The following TEAD1 variants were observed in gnomAD, a reference collection of about 807,000 sequenced individuals.
The protein encoded by TEAD1 is TEA domain transcription factor 1.
Under a neutral mutation model 54.9 loss-of-function variants are expected in TEAD1, and 9 were observed. The observed-to-expected ratio is 0.16, with a 90% CI of 0.10 to 0.29. TEAD1 has a LOEUF of 0.29. TEAD1 is among the 10% of genes least tolerant of loss of function. The pLI is 1.00. For missense variants in TEAD1, 387 were observed against 535.9 expected, an observed-to-expected ratio of 0.72 and a Z score of 2.74; for synonymous variants, 200 against 187.8, an observed-to-expected ratio of 1.07 and a Z score of -0.53.
intron 2 of TEAD1, among the ~76,000 whole-genome samples, chr11:12,744,255 A>G (rs146117208): frequency 3.3e-5 from 5 of 152,302 alleles, no homozygotes; most frequent in African/African-American, 9.6e-5. Flanking sequence ...TCCCCAGTCT[A>G]TCGGTGGCCT....
intron 3 of TEAD1, among the ~76,000 whole-genome samples, chr11:12,839,132 C>T (rs886332205): frequency 4.0e-5 from 6 of 151,856 alleles, no homozygotes; most frequent in East Asian, 3.9e-4. Flanking sequence ...AACTGGGAGC[C>T]GGGCATGGTG....
chr11:12,685,733 C>T (rs1040540831), intron 2 of TEAD1, among the ~76,000 whole-genome samples: 3 of 152,086 alleles, frequency 2.0e-5, no homozygotes, highest in African/African-American at 7.2e-5. Context: ...CATGGTAACC[C>T]ATCCTTATGG....
chr11:12,840,287 A>G (rs1440348483), intron 3 of TEAD1, among the ~76,000 whole-genome samples: 1 of 147,880 alleles, frequency 6.8e-6, no homozygotes, highest in Non-Finnish European at 1.5e-5. Flanking sequence ...CAGAAACGAA[A>G]TCGGGCCAAG....
chr11:12,680,110 A>G (rs578012899), intron 2 of TEAD1, among the ~76,000 whole-genome samples: 2 of 152,342 alleles, frequency 1.3e-5, no homozygotes, highest in African/African-American at 2.4e-5. Context: ...TATACCAACC[A>G]AGCCTTTAGA....
chr11:12,810,716 GTGGCTGA>G (rs1289559904), intron 3 of TEAD1, among the ~76,000 whole-genome samples: 1 of 152,232 alleles, frequency 6.6e-6, no homozygotes, highest in Non-Finnish European at 1.5e-5. Context: ...GACGAGCACA[GTGGCTGA>G]TGTCATTGTG....
intron 3 of TEAD1, among the ~76,000 whole-genome samples, chr11:12,845,842 G>A (rs1947134815): frequency 6.6e-6 from 1 of 152,236 alleles, no homozygotes; most frequent in Non-Finnish European, 1.5e-5. Context: ...CTCTCTGGGT[G>A]TCCCAGGGGG....
intron 3 of TEAD1, among the ~76,000 whole-genome samples, chr11:12,811,555 G>A (rs537981299): frequency 5.3e-5 from 8 of 152,244 alleles, no homozygotes; most frequent in Middle Eastern, 3.4e-3. Context: ...GTGAGGGTTC[G>A]GCATTAGCAT....
At chr11:12,912,171 C>T (rs2134143484) in intron 10 of TEAD1, among the ~76,000 whole-genome samples, 2 of 152,238 alleles carry the variant, frequency 1.3e-5, no homozygotes, top group Middle Eastern at 6.8e-3. Flanking sequence ...GCTAGAAAGT[C>T]ATTCAACAAA....
Position 12,924,942 on chromosome 11 carries a change from G to A in TEAD1, c.904G>A (p.Ala302Thr). The change falls in exon 11 of 13, where the codon GCT becomes ACT. Residue 302 changes from alanine to threonine, a missense_variant. Physicochemically the swap from Ala to Thr is moderately conservative, Grantham distance 58. Around this residue, in one of 5 missense-constraint regions of TEAD1, gnomAD observed 123 missense variants for 199.0 expected, o/e 0.62. Transcript: ENST00000527636. ...TTTAAACTGCAATATTCAAGATGAT[G>A]CTGGGGCTTTTTATGGTGTAACCAG... The A allele has an allele frequency of 6.2e-7, 1 of 1,614,158 alleles. No homozygotes were observed. Among genetic ancestry groups the A allele is most frequent in the Non-Finnish European group, 8.5e-7 (1 of 1,180,038 alleles).
At chr11:12,812,659 C>CT (rs1249559852) in intron 3 of TEAD1, among the ~76,000 whole-genome samples, 2 of 152,174 alleles carry the variant, frequency 1.3e-5, no homozygotes, top group Non-Finnish European at 2.9e-5. Context: ...CAAGAGAAGG[C>CT]TTAATACAGG....
rs376158122 is a variant in TEAD1, at chr11:12,943,497, C to T, written c.*6275C>T. 1.3e-5 allele frequency: 2 copies of T among 152,592 alleles called. No homozygotes were observed. The highest frequency in any genetic ancestry group is 4.8e-5 in the African/African-American group (2 of 41,468). 9.5% of individuals were successfully genotyped at this position (152,592 alleles called of 1,614,324 possible). On this transcript the variant is annotated 3_prime_UTR_variant, in exon 13 of 13. Transcript: ENST00000527636. ...TGAAATATTTGTATTTATTGTCCTA[C>T]TTCCTAAGCCGTAACTTCTTTTCCT...
At chr11:12,730,163 C>T (rs375202499) in intron 2 of TEAD1, among the ~76,000 whole-genome samples, 8 of 152,176 alleles carry the variant, frequency 5.3e-5, no homozygotes, top group African/African-American at 1.7e-4. Context: ...ACGGCCATGA[C>T]GTACCAGTCG....
chr11:12,892,924 C>T (rs781555552), intron 9 of TEAD1, among the ~76,000 whole-genome samples: 7 of 152,164 alleles, frequency 4.6e-5, no homozygotes, highest in Non-Finnish European at 8.8e-5. Context: ...AGCCAGGTCA[C>T]CAGCATCTGT....
At chr11:12,911,551 TAACTG>T (rs1948617888) in intron 10 of TEAD1, among the ~76,000 whole-genome samples, 1 of 152,184 alleles carries the variant, frequency 6.6e-6, no homozygotes, top group African/African-American at 2.4e-5. Flanking sequence ...GTTTTAAAGT[TAACTG>T]AACAATATTA....
intron 2 of TEAD1, among the ~76,000 whole-genome samples, chr11:12,727,432 C>G (rs1449721159): frequency 6.6e-6 from 1 of 152,172 alleles, no homozygotes; most frequent in Non-Finnish European, 1.5e-5. Context: ...CGCTTCGCAT[C>G]TCTGAACCTT....
intron 8 of TEAD1, among the ~76,000 whole-genome samples, chr11:12,882,207 C>T (rs10831915): frequency 0.24 from 36,745 of 152,068 alleles, 5,674 homozygotes; most frequent in East Asian, 0.7. Flanking sequence ...TCACTGAAGA[C>T]GCTGGATTAT....
chr11:12,739,389 C>T (rs898252970), intron 2 of TEAD1, among the ~76,000 whole-genome samples: 2 of 152,182 alleles, frequency 1.3e-5, no homozygotes, highest in Non-Finnish European at 2.9e-5. Flanking sequence ...CATCCATGCA[C>T]AGAACTCTTT....
chr11:12,748,789 A>G (rs1044308143), intron 2 of TEAD1, among the ~76,000 whole-genome samples: 1 of 151,542 alleles, frequency 6.6e-6, no homozygotes, highest in African/African-American at 2.4e-5. Context: ...GGGCTGAGGC[A>G]GAAATGGTGC....
At chr11:12,935,082 G>T (rs1949075524) in intron 12 of TEAD1, among the ~76,000 whole-genome samples, 1 of 152,148 alleles carries the variant, frequency 6.6e-6, no homozygotes, top group Non-Finnish European at 1.5e-5. Flanking sequence ...CCGCCATCCT[G>T]GGTTCTGATG....
Sources: allele counts gnomAD v4.1 joint callset (sites outside exome capture counted in the v4.1 genomes callset), GRCh38; gene constraint gnomAD v4.1.1; regional missense constraint gnomAD v4.1.1; transcripts MANE v1.5; gene names NCBI Gene and HGNC (gene_info 2026-07-23, HGNC 2026-07-21).